Variants in SMAD2 observed in about 807,000 individuals in gnomAD.
SMAD2 encodes the protein SMAD family member 2, also known as MAD homolog 2.
Under a neutral mutation model 64.4 loss-of-function variants are expected in SMAD2, and 8 were observed. That is an observed-to-expected ratio of 0.12 (90% CI 0.07 to 0.22). SMAD2 has a LOEUF of 0.22. SMAD2 is among the 10% of genes least tolerant of loss of function. The pLI is 1.00. For synonymous variants in SMAD2, 203 were observed against 195.8 expected (o/e 1.04, Z -0.31); for missense variants, 289 against 561.2 (o/e 0.51, Z 4.90).
rs570420006 is a variant in SMAD2 at position 47,831,757 on chromosome 18, G to T, written c.*10070C>A. On this transcript the variant is annotated 3_prime_UTR_variant, in exon 11 of 11. Transcript: ENST00000262160. ...TAAGAATTACTGCATGTCTCACTATGGCAAAATAGCATGACATTTGTTTTA... is the reference window on the plus strand; with the variant it reads ...TAAGAATTACTGCATGTCTCACTATTGCAAAATAGCATGACATTTGTTTTA... 6.6e-6 allele frequency: 1 copy of T among 150,794 alleles called. No individual in the cohort carries two copies. The highest frequency in any genetic ancestry group is 1.5e-5 in the Non-Finnish European group (1 of 68,008). The allele number at this position is 150,794 out of a possible 1,614,324, so 9.3% of individuals were successfully genotyped here.
rs966417790 is a variant in SMAD2 at position 47,835,086 on chromosome 18, G to A, written c.*6741C>T. 4.6e-6 allele frequency: 1 copy of A among 218,302 alleles called. No individual in the cohort carries two copies. The highest frequency in any genetic ancestry group is 9.2e-6 in the Non-Finnish European group (1 of 108,770). The allele number at this position is 218,302 out of a possible 1,614,324, so 13.5% of individuals were successfully genotyped here. A position where few individuals can be genotyped will look rare whatever the true frequency, so the allele number is the denominator to read the frequency against. Reference sequence around the variant, plus strand: ...CTGCAGAACTGTTCTCATCTTAATCGCTGTAGTTTTTCTTTCTTTACTCTT... The same window carrying A: ...CTGCAGAACTGTTCTCATCTTAATCACTGTAGTTTTTCTTTCTTTACTCTT... On this transcript the variant is annotated 3_prime_UTR_variant, in exon 11 of 11. Transcript: ENST00000262160.
chr18:47,899,038 G>A (rs1346553752), intron 1 of SMAD2, among the ~76,000 whole-genome samples: 6 of 152,124 alleles, frequency 3.9e-5, no homozygotes. Context: ...GGGGAATGGA[G>A]AAGGGGTAAG....
At chr18:47,889,662 T>C (rs2033093713) in intron 2 of SMAD2, among the ~76,000 whole-genome samples, 1 of 151,618 alleles carries the variant, frequency 6.6e-6, no homozygotes, top group Admixed American at 6.6e-5. Flanking sequence ...TCCCAGCTAC[T>C]CAGGAGGCTG....
At chr18:47,906,080 A>C (rs1301235563) in intron 1 of SMAD2, among the ~76,000 whole-genome samples, 1 of 151,872 alleles carries the variant, frequency 6.6e-6, no homozygotes, top group Non-Finnish European at 1.5e-5. Flanking sequence ...ACTCCATTGC[A>C]CTCCAGGCTG....
intron 2 of SMAD2, among the ~76,000 whole-genome samples, chr18:47,887,945 A>G (rs1477156232): frequency 6.6e-6 from 1 of 152,206 alleles, no homozygotes; most frequent in Non-Finnish European, 1.5e-5. Context: ...TACAGCCTAC[A>G]GGTGAGTAAC....
intron 1 of SMAD2, among the ~76,000 whole-genome samples, chr18:47,910,031 T>G (rs2144511992): frequency 6.6e-6 from 1 of 152,270 alleles, no homozygotes; most frequent in South Asian, 2.1e-4. Context: ...AAGATGCCAT[T>G]GCTGTTATAG....
intron 4 of SMAD2, 63 bp from the exon 5 acceptor site, chr18:47,868,520 T>G (rs2031731152): frequency 7.9e-6 from 11 of 1,395,956 alleles, no homozygotes; most frequent in Non-Finnish European, 1.0e-5. Flanking sequence ...GGAACCTTTT[T>G]TAAAGTTTTC....
chr18:47,848,825 A>T (rs755921682), intron 7 of SMAD2, 138 bp from the exon 8 acceptor site: 4 of 667,904 alleles, frequency 6.0e-6, no homozygotes, highest in Non-Finnish European at 1.0e-5. Flanking sequence ...TAGACATAGT[A>T]TCTGTATCGG....
chr18:47,846,067 G>A (rs1241980515), intron 8 of SMAD2, among the ~76,000 whole-genome samples: 1 of 152,042 alleles, frequency 6.6e-6, no homozygotes, highest in East Asian at 1.9e-4. Flanking sequence ...TAGTAAAATA[G>A]TTTCATACAA....
intron 1 of SMAD2, among the ~76,000 whole-genome samples, chr18:47,921,808 T>C (rs2034572504): frequency 6.6e-6 from 1 of 152,224 alleles, no homozygotes; most frequent in Non-Finnish European, 1.5e-5. Context: ...CCTGGGCACT[T>C]TCTCTCTCAA....
At chr18:47,889,523 G>A (rs1322152386) in intron 2 of SMAD2, among the ~76,000 whole-genome samples, 17 of 152,130 alleles carry the variant, frequency 1.1e-4, no homozygotes, top group Non-Finnish European at 2.5e-4. Context: ...TGTAATCCCA[G>A]CACTTTGGGA....
At chr18:47,929,078 G>A (rs1348229838) in intron 1 of SMAD2, among the ~76,000 whole-genome samples, 3 of 152,130 alleles carry the variant, frequency 2.0e-5, no homozygotes, top group African/African-American at 7.2e-5. Flanking sequence ...TCTTGTATGG[G>A]TTTTCCGAAG....
At chr18:47,919,023 A>C (rs904667555) in intron 1 of SMAD2, among the ~76,000 whole-genome samples, 1 of 152,140 alleles carries the variant, frequency 6.6e-6, no homozygotes, top group Non-Finnish European at 1.5e-5. Context: ...ACAAACCTAC[A>C]TGAAGGCCCA....
chr18:47,845,520 A>G (rs113107814), intron 9 of SMAD2, 36 bp from the exon 10 acceptor site: 8 of 1,601,838 alleles, frequency 5.0e-6, no homozygotes, highest in East Asian at 4.5e-5. Flanking sequence ...TTGTCAAAAG[A>G]GTATCATTAT....
In SMAD2 at chr18:47,821,523, A is replaced by G. The variant is rs1480711254; in HGVS notation, c.*20304T>C. 6.6e-6 allele frequency: 1 copy of G among 152,240 alleles called. No individual in the cohort carries two copies. The highest frequency in any genetic ancestry group is 2.4e-5 in the African/African-American group (1 of 41,466). 9.4% of individuals were successfully genotyped at this position (152,240 alleles called of 1,614,324 possible). On this transcript the variant is annotated 3_prime_UTR_variant, in exon 11 of 11. Coordinates refer to ENST00000262160, the MANE Select transcript of SMAD2 (RefSeq NM_005901.6). Reference sequence around the variant, plus strand: ...TTTCCAAGAGCCATGTATTCTGTTCAACATACTAGCTTTCTTATTTACATT... The same window carrying G: ...TTTCCAAGAGCCATGTATTCTGTTCGACATACTAGCTTTCTTATTTACATT...
Position 47,838,531 on chromosome 18 carries a change from G to A in SMAD2, c.*3296C>T, listed in dbSNP as rs1913651085. ...TGAATGTGTATTATAAGGTATAATC[G>A]GTATAACTGATATAGCTCAAATCTA... On this transcript the variant is annotated 3_prime_UTR_variant, in exon 11 of 11. Transcript: ENST00000262160. The A allele has an allele frequency of 8.6e-6, 2 of 232,748 alleles. No individual in the cohort carries two copies. Among genetic ancestry groups the A allele is most frequent in the African/African-American group, 4.4e-5 (2 of 45,282 alleles). 14.4% of individuals were successfully genotyped at this position (232,748 alleles called of 1,614,324 possible).
chr18:47,929,725 G>C (rs558104316), intron 1 of SMAD2, among the ~76,000 whole-genome samples: 6 of 152,260 alleles, frequency 3.9e-5, no homozygotes, highest in Admixed American at 1.3e-4. Context: ...ATAAGTAAAA[G>C]ACAAAAGTAC....
rs1282706609 is a variant in SMAD2, at chr18:47,825,517, CAGCAAAGCCCTTGCCAAA to C, written c.*16292_*16309del. On this transcript the variant is annotated 3_prime_UTR_variant, in exon 11 of 11. Coordinates refer to ENST00000262160, the MANE Select transcript of SMAD2 (RefSeq NM_005901.6). ...CCTTCTCCATCAAGCTATGAAGCAG[CAGCAAAGCCCTTGCCAAA>C]AGCCAGGGCCATGCCCTTGAACTTC... The C allele has an allele frequency of 1.3e-5, 2 of 152,508 alleles. 1 individual carries two copies. The highest frequency in any genetic ancestry group is 1.3e-4 in the Admixed American group (2 of 15,292). 9.4% of individuals were successfully genotyped at this position (152,508 alleles called of 1,614,324 possible).
chr18:47,850,548 A>AT (rs1199275214), intron 7 of SMAD2, among the ~76,000 whole-genome samples: 2 of 15,278 alleles, frequency 1.3e-4, no homozygotes, highest in Non-Finnish European at 2.1e-4. Flanking sequence ...TTATATATAT[A>AT]ATATATATTA....
Sources: gnomAD v4.1 joint callset for allele counts (sites outside exome capture counted in the v4.1 genomes callset) on GRCh38, gnomAD v4.1.1 for gene constraint, MANE v1.5 for transcripts, NCBI Gene and HGNC (gene_info 2026-07-23, HGNC 2026-07-21) for gene names.